Variants in SUB1 observed in about 807,000 individuals in gnomAD.
SUB1 encodes the protein SUB1 regulator of transcription, also known as activated RNA polymerase II transcriptional coactivator p15.
A neutral mutation model predicts 16.9 loss-of-function variants in SUB1; 1 was observed. The observed-to-expected ratio is 0.06, with a 90% CI of 0.02 to 0.28. SUB1 has a LOEUF of 0.28. SUB1 is among the 10% of genes least tolerant of loss of function. SUB1 has a pLI of 1.00. For synonymous variants in SUB1, 51 were observed against 46.9 expected (o/e 1.09, Z -0.36); for missense variants, 84 against 145.2 (o/e 0.58, Z 2.16).
Position 32,602,439 on chromosome 5 carries a change from T to C in SUB1, c.*1355T>C, listed in dbSNP as rs1561039275. The C allele has an allele frequency of 4.4e-6, 1 of 224,884 alleles. No individual in the cohort carries two copies. The highest frequency in any genetic ancestry group is 9.2e-6 in the Non-Finnish European group (1 of 108,746). The allele number at this position is 224,884 out of a possible 1,614,324, so 13.9% of individuals were successfully genotyped here. A position where few individuals can be genotyped will look rare whatever the true frequency, so the allele number is the denominator to read the frequency against. On this transcript the variant is annotated 3_prime_UTR_variant, in exon 5 of 5. Coordinates refer to ENST00000265073, the MANE Select transcript of SUB1 (RefSeq NM_006713.4). ...AGTTTTAAAGACATATAAAAGATTC[T>C]TGTTGACAAATTATTTTTGGTAGCA...
rs534048419 is a variant in SUB1, at chr5:32,591,745, G to T, written c.195+60G>T. 91 of 1,478,786 alleles carry T rather than the reference G, an allele frequency of 6.2e-5. No individual in the cohort carries two copies. In the African/African-American group the frequency reaches 1.3e-3, roughly 21 times the overall value. The allele number at this position is 1,478,786 out of a possible 1,614,324, so 91.6% of individuals were successfully genotyped here. A position where few individuals can be genotyped will look rare whatever the true frequency, so the allele number is the denominator to read the frequency against. On this transcript the variant is annotated intron_variant, in intron 3 of 4. Coordinates refer to ENST00000265073, the MANE Select transcript of SUB1 (RefSeq NM_006713.4). Reference sequence around the variant, plus strand: ...ACATGGAGTCATGCTCTGTCACCCAGGCTGGAGTGCAGTGGCGCCATCTCG... The same window carrying T: ...ACATGGAGTCATGCTCTGTCACCCATGCTGGAGTGCAGTGGCGCCATCTCG...
intron 1 of SUB1, among the ~76,000 whole-genome samples, chr5:32,586,807 C>A (rs1170033859): frequency 1.3e-5 from 2 of 152,222 alleles, no homozygotes; most frequent in Non-Finnish European, 2.9e-5. Flanking sequence ...AAAACGTGGT[C>A]ATGAACATTG....
chr5:32,587,540 C>A (rs1454623899), intron 1 of SUB1, among the ~76,000 whole-genome samples: 1 of 151,770 alleles, frequency 6.6e-6, no homozygotes, highest in Non-Finnish European at 1.5e-5. Flanking sequence ...TAAATAGGTT[C>A]TTCAAATTTT....
intron 1 of SUB1, among the ~76,000 whole-genome samples, chr5:32,588,273 GAGTGTATGACATTT>G (rs1483251299): frequency 2.0e-5 from 3 of 152,182 alleles, no homozygotes; most frequent in Admixed American, 1.3e-4. Context: ...AGAGGTGTAG[GAGTGTATGACATTT>G]AGTTCATTGT....
rs867974226 is a variant in SUB1 at position 32,598,810 on chromosome 5, C to T, written c.196-151C>T. The T allele has an allele frequency of 4.7e-5, 27 of 579,766 alleles. 1 individual carries two copies. The highest frequency in any genetic ancestry group is 2.7e-4 in the African/African-American group (14 of 51,638). The allele number at this position is 579,766 out of a possible 1,614,324, so 35.9% of individuals were successfully genotyped here. ...AATATGCATATAAGTGGGACCTGCA[C>T]AGTTCAGAGCCATGTTGTTCAAGGG... is the stretch of plus-strand genomic sequence containing the variant. On this transcript the variant is annotated intron_variant, in intron 3 of 4. Coordinates refer to ENST00000265073, the MANE Select transcript of SUB1 (RefSeq NM_006713.4).
At chr5:32,592,940 G>A (rs1398341111) in intron 3 of SUB1, among the ~76,000 whole-genome samples, 1 of 152,180 alleles carries the variant, frequency 6.6e-6, no homozygotes, top group Non-Finnish European at 1.5e-5. Context: ...GTGCAGTAAT[G>A]GGAGCAAGAA....
chr5:32,596,194 G>A (rs915615014), intron 3 of SUB1: 4 of 152,232 alleles, frequency 2.6e-5, no homozygotes, highest in Non-Finnish European at 4.4e-5. Flanking sequence ...GTCTGTGACA[G>A]ATCTTCTCTC....
intron 2 of SUB1, among the ~76,000 whole-genome samples, chr5:32,590,381 T>A (rs1738788327): frequency 6.6e-6 from 1 of 152,090 alleles, no homozygotes; most frequent in East Asian, 1.9e-4. Context: ...GTGGTTTTTA[T>A]GGGTTAGCTC....
intron 3 of SUB1, chr5:32,594,455 G>A (rs909202487): frequency 3.2e-6 from 1 of 310,062 alleles, no homozygotes; most frequent in African/African-American, 2.2e-5. Context: ...ATGATTTAAG[G>A]ATACTTGATA....
At chr5:32,594,634 A>T (rs1188520412) in intron 3 of SUB1, 1 of 453,674 alleles carries the variant, frequency 2.2e-6, no homozygotes, top group Non-Finnish European at 4.4e-6. Flanking sequence ...TGTGTGAGTG[A>T]ACATTGCAGC....
intron 1 of SUB1, among the ~76,000 whole-genome samples, chr5:32,587,361 T>C (rs1738699477): frequency 6.6e-6 from 1 of 152,190 alleles, no homozygotes; most frequent in African/African-American, 2.4e-5. Flanking sequence ...GGCTTAGGCT[T>C]ACTGATAGTT....
chr5:32,601,318 A>C lies in SUB1; in HGVS notation c.*234A>C. 2.2e-6 allele frequency: 1 copy of C among 450,724 alleles called. No homozygotes were observed. 27.9% of individuals were successfully genotyped at this position (450,724 alleles called of 1,614,324 possible). On this transcript the variant is annotated 3_prime_UTR_variant, in exon 5 of 5. Coordinates refer to ENST00000265073, the MANE Select transcript of SUB1 (RefSeq NM_006713.4). ...CACCACCTAGTGTAAAATAAAATCAAGTAATACAATCTTAACTGTTGTGGC... is the reference window on the plus strand; with the variant it reads ...CACCACCTAGTGTAAAATAAAATCACGTAATACAATCTTAACTGTTGTGGC...
chr5:32,586,160 C>G (rs1273329600), intron 1 of SUB1: 1 of 152,252 alleles, frequency 6.6e-6, no homozygotes, highest in East Asian at 1.9e-4. Flanking sequence ...GCCGTCTTCT[C>G]CGCACTTCGC....
intron 3 of SUB1, among the ~76,000 whole-genome samples, chr5:32,592,855 G>A (rs16889957): frequency 0.13 from 20,000 of 152,088 alleles, 3,337 homozygotes; most frequent in African/African-American, 0.39. Context: ...GGGATGTCTT[G>A]GGTTATATTC....
intron 3 of SUB1, chr5:32,598,676 A>C (rs1289298775): frequency 8.3e-6 from 2 of 242,006 alleles, no homozygotes; most frequent in African/African-American, 4.5e-5. Context: ...TTCATGACAT[A>C]CCTAACTTTT....
In SUB1 at chr5:32,591,610, A is replaced by G. The variant is rs752870333; in HGVS notation, c.120A>G (p.Gln40=). 14 of 1,610,812 alleles carry G rather than the reference A, an allele frequency of 8.7e-6. No homozygotes were observed. Among genetic ancestry groups the G allele is most frequent in the Non-Finnish European group, 1.2e-5 (14 of 1,178,740 alleles). The change falls in exon 3 of 5, where the codon CAA becomes CAG. Residue 40 remains glutamine, a synonymous_variant. Transcript: ENST00000265073. The stretch of plus-strand genomic sequence containing the variant: ...CTCCAGAAAAACCTGTAAAGAAACA[A>G]AAGACAGGTGAGACTTCGAGAGCCC... The part of the protein sequence containing the change: ...QVAPEKPVKK[Q]KTGETSRALS...
intron 1 of SUB1, among the ~76,000 whole-genome samples, chr5:32,588,227 G>A (rs1738723659): frequency 6.6e-6 from 1 of 152,170 alleles, no homozygotes; most frequent in Non-Finnish European, 1.5e-5. Flanking sequence ...CCATTAAAAC[G>A]AAGTATAGAA....
chr5:32,591,397 G>C lies in SUB1; in HGVS notation c.73-166G>C. 3 of 939,772 alleles carry C rather than the reference G, an allele frequency of 3.2e-6. No individual in the cohort carries two copies. In the Admixed American group the frequency reaches 1.1e-4, roughly 35 times the overall value. 58.2% of individuals were successfully genotyped at this position (939,772 alleles called of 1,614,324 possible). On this transcript the variant is annotated intron_variant, in intron 2 of 4. Coordinates refer to ENST00000265073, the MANE Select transcript of SUB1 (RefSeq NM_006713.4). The stretch of plus-strand genomic sequence containing the variant: ...AAAACATTACTAGACAGAAGGATTG[G>C]TTAGATTCATAGTTTTGTTGTTGAG...
Position 32,602,261 on chromosome 5 carries a change from A to G in SUB1, c.*1177A>G. On this transcript the variant is annotated 3_prime_UTR_variant, in exon 5 of 5. Coordinates refer to ENST00000265073, the MANE Select transcript of SUB1 (RefSeq NM_006713.4). ...TAAATAGGGCATGGTGTGCCTTAGG[A>G]AAAGAATGTTTATAAAGGGAATTAT... The G allele has an allele frequency of 2.2e-6, 1 of 453,790 alleles. No individual in the cohort carries two copies. The allele number at this position is 453,790 out of a possible 1,614,324, so 28.1% of individuals were successfully genotyped here.
Sources: allele counts gnomAD v4.1 joint callset (sites outside exome capture counted in the v4.1 genomes callset), GRCh38; gene constraint gnomAD v4.1.1; transcripts MANE v1.5; gene names NCBI Gene and HGNC (gene_info 2026-07-23, HGNC 2026-07-21).